The following KCNH7 variants were observed in gnomAD, a reference collection of about 807,000 sequenced individuals.
The protein encoded by KCNH7 is voltage-gated inwardly rectifying potassium channel KCNH7.
A neutral mutation model predicts 120.8 loss-of-function variants in KCNH7; 49 were observed. The ratio of observed to expected loss-of-function variants is 0.41; its 90% CI spans 0.32 to 0.51. The LOEUF (loss-of-function observed/expected upper bound fraction) is 0.51. Among genes scored for constraint, KCNH7 ranks in the 20% least tolerant of loss-of-function variants. The probability of loss-of-function intolerance (pLI) is 0.38; values close to 1 mark genes in which losing one functional copy is unlikely to be tolerated. For synonymous variants in KCNH7, 547 were observed against 516.1 expected (o/e 1.06, Z -0.81); for missense variants, 1,097 against 1,446.6 (o/e 0.76, Z 3.92).
chr2:162,636,534 C>T (rs377356185), intron 2 of KCNH7, among the ~76,000 whole-genome samples: 1 of 152,002 alleles, frequency 6.6e-6, no homozygotes, highest in Admixed American at 6.6e-5. Context: ...TGTTGCCAGG[C>T]CTGGATGATT....
intron 9 of KCNH7, among the ~76,000 whole-genome samples, chr2:162,408,991 C>T (rs755470069): frequency 7.3e-5 from 11 of 151,584 alleles, no homozygotes; most frequent in African/African-American, 1.2e-4. Context: ...ATACTCAATG[C>T]CTTCATTATC....
chr2:162,752,903 A>AAAAAAGAAAAGAAAAGAAAAGAGAAG (rs1688612139), intron 2 of KCNH7, among the ~76,000 whole-genome samples: 1 of 32,026 alleles, frequency 3.1e-5, no homozygotes, highest in African/African-American at 5.0e-5. Flanking sequence ...TACATCTCAG[A>AAAAAAGAAAAGAAAAGAAAAGAGAAG]AAAAGAAAAG....
In KCNH7 at chr2:162,470,278, C is replaced by T. The variant is rs1689465507; in HGVS notation, c.1129-23835G>A. Among the ~76,000 whole-genome samples the T allele has an allele frequency of 1.1e-4, 16 of 152,090 alleles. No homozygotes were observed. The South Asian group carries it at 3.1e-3, about 30-fold the overall frequency. ...GGAAGTGAGGAGCGTCTCTGCCCGC[C>T]CGCCCATCGTCTGAGATGTGGGGAG... On this transcript the variant is annotated intron_variant, in intron 6 of 15. Coordinates refer to ENST00000332142, the MANE Select transcript of KCNH7 (RefSeq NM_033272.4).
intron 13 of KCNH7, among the ~76,000 whole-genome samples, chr2:162,384,062 T>C (rs1686503926): frequency 6.6e-6 from 1 of 151,922 alleles, no homozygotes; most frequent in South Asian, 2.1e-4. Context: ...TAAATTTTCC[T>C]GAATTTCTCA....
chr2:162,696,863 A>T (rs991205499), intron 2 of KCNH7, among the ~76,000 whole-genome samples: 8 of 152,208 alleles, frequency 5.3e-5, no homozygotes, highest in Admixed American at 2.0e-4. Flanking sequence ...CCTTCCAAAT[A>T]TGTTTAAATT....
intron 2 of KCNH7, among the ~76,000 whole-genome samples, chr2:162,588,754 C>T (rs1321458444): frequency 6.6e-6 from 1 of 152,042 alleles, no homozygotes; most frequent in African/African-American, 2.4e-5. Context: ...CTCCTTCTAG[C>T]TATTTGAAAC....
intron 2 of KCNH7, among the ~76,000 whole-genome samples, chr2:162,823,401 A>T (rs776371958): frequency 2.0e-5 from 3 of 152,188 alleles, no homozygotes; most frequent in Non-Finnish European, 2.9e-5. Context: ...CCTTGAAATA[A>T]TTAGCAAGAT....
rs1210798678 is a variant in KCNH7, at chr2:162,537,034, T to A, written c.354A>T (p.Gln118His). ...TGATGAACATCATAGCCACGCCCTC[T>A]TGGTTTTTCACTGGAATTATGTGAG... Reference protein sequence around the residue: ...CNTHIIPVKNQEGVAMMFIIN... With the variant: ...CNTHIIPVKNHEGVAMMFIIN... Residue 118 changes from glutamine to histidine, a missense_variant, in exon 3 of 16, where the codon CAA (glutamine) becomes CAT (histidine). Coordinates refer to ENST00000332142, the MANE Select transcript of KCNH7 (RefSeq NM_033272.4). 6.2e-7 allele frequency: 1 copy of A among 1,612,774 alleles called. No homozygotes were observed. Among genetic ancestry groups the A allele is most frequent in the South Asian group, 1.1e-5 (1 of 91,032 alleles).
intron 6 of KCNH7, among the ~76,000 whole-genome samples, chr2:162,484,901 A>C (rs1335394940): frequency 6.6e-6 from 1 of 152,130 alleles, no homozygotes; most frequent in Non-Finnish European, 1.5e-5. Context: ...TGAGGCCCTC[A>C]CCAGATGCAG....
At chr2:162,698,786 C>T (rs928432495) in intron 2 of KCNH7, among the ~76,000 whole-genome samples, 1 of 151,962 alleles carries the variant, frequency 6.6e-6, no homozygotes, top group Admixed American at 6.6e-5. Context: ...AGAAAATGCA[C>T]TTAAAATATT....
chr2:162,693,734 T>C (rs930162866), intron 2 of KCNH7, among the ~76,000 whole-genome samples: 3 of 152,152 alleles, frequency 2.0e-5, no homozygotes, highest in African/African-American at 4.8e-5. Flanking sequence ...TAAAATAAGA[T>C]GGTATGTATT....
intron 3 of KCNH7, chr2:162,528,343 G>C (rs1691785866): frequency 6.6e-6 from 1 of 151,914 alleles, no homozygotes; most frequent in African/African-American, 2.4e-5. Flanking sequence ...CTTCATTCAT[G>C]TTACTTGTTT....
At chr2:162,545,148 A>G (rs549200120) in intron 2 of KCNH7, among the ~76,000 whole-genome samples, 1 of 152,268 alleles carries the variant, frequency 6.6e-6, no homozygotes, top group South Asian at 2.1e-4. Flanking sequence ...GTGAGATGTT[A>G]ACAGATATTA....
intron 2 of KCNH7, among the ~76,000 whole-genome samples, chr2:162,592,739 T>C (rs1205567336): frequency 6.6e-6 from 1 of 152,108 alleles, no homozygotes; most frequent in African/African-American, 2.4e-5. Context: ...ATAGTTTTTA[T>C]TTATGACTCC....
chr2:162,798,368 C>T (rs1012157545), intron 2 of KCNH7, among the ~76,000 whole-genome samples: 4 of 151,988 alleles, frequency 2.6e-5, no homozygotes, highest in African/African-American at 9.7e-5. Context: ...ACATCTTTGA[C>T]CTACATTACA....
chr2:162,519,643 C>A (rs1027629693), intron 3 of KCNH7, among the ~76,000 whole-genome samples: 1 of 151,734 alleles, frequency 6.6e-6, no homozygotes, highest in Non-Finnish European at 1.5e-5. Context: ...AAACAATAAT[C>A]TGTAACCCAA....
chr2:162,592,867 G>T (rs1375164515), intron 2 of KCNH7, among the ~76,000 whole-genome samples: 1 of 151,946 alleles, frequency 6.6e-6, no homozygotes, highest in East Asian at 1.9e-4. Flanking sequence ...ATGTAGTTTT[G>T]ACATCCACTA....
intron 2 of KCNH7, among the ~76,000 whole-genome samples, chr2:162,581,135 G>T (rs1470822937): frequency 1.3e-5 from 2 of 152,004 alleles, no homozygotes; most frequent in African/African-American, 2.4e-5. Context: ...ACTGAAATTT[G>T]ATAGATCCCT....
intron 13 of KCNH7, among the ~76,000 whole-genome samples, chr2:162,381,604 G>T (rs2105406010): frequency 6.6e-6 from 1 of 152,204 alleles, no homozygotes; most frequent in South Asian, 2.1e-4. Context: ...GTCAGCATTA[G>T]AAAAATATAG....
Sources: allele counts gnomAD v4.1 joint callset (sites outside exome capture counted in the v4.1 genomes callset), GRCh38; gene constraint gnomAD v4.1.1; transcripts MANE v1.5; gene names NCBI Gene and HGNC (gene_info 2026-07-23, HGNC 2026-07-21).